The following TBC1D5 variants were observed in gnomAD, a reference collection of about 807,000 sequenced individuals.
TBC1D5 encodes TBC1 domain family, member 5.
TBC1D5 carries 75 observed loss-of-function variants against 100.3 expected under a neutral mutation model. That is an observed-to-expected ratio of 0.75 (90% CI 0.62 to 0.91). The LOEUF (loss-of-function observed/expected upper bound fraction) is 0.91, where lower values mean the gene tolerates loss of function less well. Ranked by LOEUF, TBC1D5 falls within the 40% of genes least tolerant of loss-of-function variation. The probability of loss-of-function intolerance (pLI) is 0.00; values close to 1 mark genes in which losing one functional copy is unlikely to be tolerated. For synonymous variants in TBC1D5, 323 were observed against 325.6 expected (o/e 0.99, Z 0.09); for missense variants, 910 against 942.4 (o/e 0.97, Z 0.45).
chr3:17,718,369 G>A (rs1285742526), intron 1 of TBC1D5, among the ~76,000 whole-genome samples: 2 of 152,126 alleles, frequency 1.3e-5, no homozygotes, highest in South Asian at 2.1e-4. Context: ...TCCAAGGCGG[G>A]GGCAGATCAT....
chr3:17,632,577 G>A (rs1218518637), intron 1 of TBC1D5, among the ~76,000 whole-genome samples: 2 of 152,084 alleles, frequency 1.3e-5, no homozygotes, highest in Admixed American at 6.6e-5. Context: ...CAACTGATAC[G>A]GCAAATTGCA....
intron 17 of TBC1D5, among the ~76,000 whole-genome samples, chr3:17,232,626 C>T (rs1344205242): frequency 1.3e-5 from 2 of 152,082 alleles, no homozygotes; most frequent in Non-Finnish European, 1.5e-5. Context: ...CAGAATACCT[C>T]CAGAAACTAT....
intron 4 of TBC1D5, among the ~76,000 whole-genome samples, chr3:17,418,708 A>C (rs1333619483): frequency 6.6e-6 from 1 of 152,246 alleles, no homozygotes; most frequent in Non-Finnish European, 1.5e-5. Context: ...ACCACAATGA[A>C]ATAGATACAT....
intron 3 of TBC1D5, among the ~76,000 whole-genome samples, chr3:17,486,642 T>A (rs1460575949): frequency 6.6e-6 from 1 of 152,200 alleles, no homozygotes; most frequent in Non-Finnish European, 1.5e-5. Context: ...CTCTGAAATC[T>A]AGTCAAAACT....
chr3:17,237,161 A>G (rs1045902406), intron 17 of TBC1D5, among the ~76,000 whole-genome samples: 132 of 152,290 alleles, frequency 8.7e-4, no homozygotes, highest in African/African-American at 3.1e-3. Flanking sequence ...TAACAGAGGG[A>G]TCCCTTTAAG....
chr3:17,551,924 G>A (rs987875650), intron 2 of TBC1D5, among the ~76,000 whole-genome samples: 5 of 152,044 alleles, frequency 3.3e-5, no homozygotes, highest in Non-Finnish European at 2.9e-5. Context: ...CACAGATGAA[G>A]TTTTTCTGAT....
At chr3:17,691,685 C>T (rs1577507855) in intron 1 of TBC1D5, among the ~76,000 whole-genome samples, 5 of 152,072 alleles carry the variant, frequency 3.3e-5, no homozygotes, top group African/African-American at 2.4e-5. Flanking sequence ...GGCATGGTGG[C>T]GCATGCCTGT....
chr3:17,530,064 T>C (rs776550712), intron 2 of TBC1D5, among the ~76,000 whole-genome samples: 4 of 151,726 alleles, frequency 2.6e-5, no homozygotes, highest in Admixed American at 1.3e-4. Flanking sequence ...GCGAACATAG[T>C]GAAATCCCAT....
intron 1 of TBC1D5, chr3:17,702,358 A>G (rs1294593467): frequency 5.1e-4 from 4 of 7,868 alleles, no homozygotes; most frequent in Admixed American, 1.7e-3. Context: ...ACTAATAGTT[A>G]TATAAATGGT....
intron 2 of TBC1D5, among the ~76,000 whole-genome samples, chr3:17,619,255 T>C (rs562922914): frequency 3.9e-5 from 6 of 152,110 alleles, no homozygotes; most frequent in Non-Finnish European, 8.8e-5. Context: ...TTTACGGAGT[T>C]AGACAAGTTG....
chr3:17,604,940 T>C (rs150798189), intron 2 of TBC1D5, among the ~76,000 whole-genome samples: 1,596 of 152,332 alleles, frequency 0.01, 33 homozygotes, highest in African/African-American at 0.036. Flanking sequence ...CCTCCCAAAG[T>C]GCTGGGATTG....
At chr3:17,317,617 TA>T (rs942806305) in intron 13 of TBC1D5, among the ~76,000 whole-genome samples, 1 of 152,256 alleles carries the variant, frequency 6.6e-6, no homozygotes, top group African/African-American at 2.4e-5. Flanking sequence ...GTGTATATAA[TA>T]TTTTTTTAAG....
At chr3:17,647,599 A>T (rs2065129859) in intron 1 of TBC1D5, among the ~76,000 whole-genome samples, 1 of 152,164 alleles carries the variant, frequency 6.6e-6, no homozygotes, top group Non-Finnish European at 1.5e-5. Context: ...GATGTGGAGC[A>T]GACTTGCAGT....
intron 13 of TBC1D5, among the ~76,000 whole-genome samples, chr3:17,312,659 G>A (rs1195726550): frequency 1.3e-5 from 2 of 152,118 alleles, no homozygotes; most frequent in Non-Finnish European, 2.9e-5. Context: ...TCCTTTCAGA[G>A]GGCAGTACAC....
intron 21 of TBC1D5, among the ~76,000 whole-genome samples, chr3:17,166,322 G>A (rs565966844): frequency 6.6e-6 from 1 of 152,320 alleles, no homozygotes; most frequent in East Asian, 1.9e-4. Context: ...CCCTCCCCAT[G>A]AAGGCAAGAA....
intron 2 of TBC1D5, among the ~76,000 whole-genome samples, chr3:17,574,014 C>G (rs1439519970): frequency 6.6e-6 from 1 of 151,612 alleles, no homozygotes; most frequent in Non-Finnish European, 1.5e-5. Flanking sequence ...AAAAGAGAGC[C>G]CTTTAGTATC....
intron 4 of TBC1D5, among the ~76,000 whole-genome samples, chr3:17,409,441 T>G (rs560503818): frequency 1.2e-4 from 18 of 152,164 alleles, no homozygotes; most frequent in Non-Finnish European, 1.9e-4. Flanking sequence ...GGCCTCGTAC[T>G]GTTCGAGTGA....
chr3:17,385,086 T>C (rs1235817315), intron 8 of TBC1D5, among the ~76,000 whole-genome samples: 1 of 152,078 alleles, frequency 6.6e-6, no homozygotes, highest in Non-Finnish European at 1.5e-5. Context: ...TTTCTAGTTA[T>C]GCAACCCTGA....
At chr3:17,558,738 T>A (rs1215255975) in intron 2 of TBC1D5, among the ~76,000 whole-genome samples, 1 of 152,254 alleles carries the variant, frequency 6.6e-6, no homozygotes, top group African/African-American at 2.4e-5. Context: ...TTGCAACTAC[T>A]TAACTTTGCT....
Sources: gnomAD v4.1 joint callset for allele counts (sites outside exome capture counted in the v4.1 genomes callset) on GRCh38, gnomAD v4.1.1 for gene constraint, MANE v1.5 for transcripts, NCBI Gene and HGNC (gene_info 2026-07-23, HGNC 2026-07-21) for gene names.